The following CEP112 variants were observed in gnomAD, a reference collection of about 807,000 sequenced individuals.
The protein encoded by CEP112 is centrosomal protein of 112 kDa.
Under a neutral mutation model 153.0 loss-of-function variants are expected in CEP112, and 127 were observed. That is an observed-to-expected ratio of 0.83 (90% CI 0.72 to 0.96). The LOEUF (loss-of-function observed/expected upper bound fraction) is 0.96, where lower values mean the gene tolerates loss of function less well. Among genes scored for constraint, CEP112 ranks in the 40% least tolerant of loss-of-function variants. The pLI, the probability that CEP112 is intolerant of heterozygous loss-of-function variation, is 0.00. For synonymous variants in CEP112, 358 were observed against 374.4 expected (o/e 0.96, Z 0.51); for missense variants, 1,089 against 1,101.2 (o/e 0.99, Z 0.16).
At chr17:65,700,496 G>A (rs1202788729) in intron 23 of CEP112, among the ~76,000 whole-genome samples, 1 of 152,134 alleles carries the variant, frequency 6.6e-6, no homozygotes, top group African/African-American at 2.4e-5. Flanking sequence ...AGTGGTCCTG[G>A]GGAGTGAATC....
chr17:65,710,163 G>C (rs997207732), intron 23 of CEP112, among the ~76,000 whole-genome samples: 1 of 152,130 alleles, frequency 6.6e-6, no homozygotes, highest in Admixed American at 6.5e-5. Flanking sequence ...TTCCTCTCTG[G>C]TGTCAGTGCT....
chr17:65,766,943 C>T (rs1437354271), intron 21 of CEP112, among the ~76,000 whole-genome samples: 1 of 147,272 alleles, frequency 6.8e-6, no homozygotes, highest in Non-Finnish European at 1.5e-5. Context: ...GATAGCAATA[C>T]AGTAATAGTG....
intron 12 of CEP112, among the ~76,000 whole-genome samples, chr17:66,040,494 C>CTTT (rs71160522): frequency 0.011 from 1,411 of 133,438 alleles, 36 homozygotes; most frequent in African/African-American, 0.032. Context: ...CCCTTTTTTT[C>CTTT]TTTTTTTTTT....
chr17:65,770,928 T>TA lies in CEP112; in HGVS notation c.2395-20205dup, dbSNP rs34049976. 4.0e-4 allele frequency among the ~76,000 whole-genome samples: 50 copies of TA among 124,298 alleles called. 1 individual carries two copies. Among genetic ancestry groups the TA allele is most frequent in the Non-Finnish European group, 6.5e-4 (40 of 61,128 alleles). The allele number at this position is 124,298 out of a possible 152,430, so 81.5% of individuals were successfully genotyped here. A position where few individuals can be genotyped will look rare whatever the true frequency, so the allele number is the denominator to read the frequency against. On this transcript the variant is annotated intron_variant, in intron 21 of 26. Transcript: ENST00000535342. ...TGGGCAACAGAGCAAGACTCCGTCT[T>TA]AAAAAAAAAAAAAAAAGAAATAATT... is the stretch of plus-strand genomic sequence containing the variant.
At chr17:65,738,538 A>C (rs1157576852) in intron 23 of CEP112, among the ~76,000 whole-genome samples, 3 of 152,192 alleles carry the variant, frequency 2.0e-5, no homozygotes, top group African/African-American at 4.8e-5. Context: ...TCCCTTATAC[A>C]TAGTAGGATA....
At chr17:65,889,999 A>C (rs1311792752) in intron 20 of CEP112, among the ~76,000 whole-genome samples, 3 of 152,178 alleles carry the variant, frequency 2.0e-5, no homozygotes, top group Non-Finnish European at 4.4e-5. Flanking sequence ...CCTATCATAA[A>C]ATATACAGTG....
chr17:65,742,391 A>G (rs1046284147), intron 23 of CEP112, among the ~76,000 whole-genome samples: 9 of 152,202 alleles, frequency 5.9e-5, no homozygotes, highest in Non-Finnish European at 1.0e-4. Flanking sequence ...AGGTTTCCAG[A>G]TGCTTATCCT....
At chr17:65,676,126 C>G (rs927506359) in intron 24 of CEP112, among the ~76,000 whole-genome samples, 1 of 152,128 alleles carries the variant, frequency 6.6e-6, no homozygotes, top group Non-Finnish European at 1.5e-5. Context: ...CACTTGAGGT[C>G]AGGAGTTTGA....
At chr17:66,159,552 A>C (rs2071605137) in intron 4 of CEP112, among the ~76,000 whole-genome samples, 1 of 152,248 alleles carries the variant, frequency 6.6e-6, no homozygotes, top group Admixed American at 6.5e-5. Flanking sequence ...CAACATATGC[A>C]AATCAATAAA....
At chr17:66,042,281 C>T (rs1462878096) in intron 12 of CEP112, among the ~76,000 whole-genome samples, 2 of 152,020 alleles carry the variant, frequency 1.3e-5, no homozygotes, top group South Asian at 4.2e-4. Context: ...ACCCAGGAGG[C>T]GGAGGTTGTA....
chr17:66,031,467 TG>T (rs57725442), intron 12 of CEP112, among the ~76,000 whole-genome samples: 73,966 of 133,312 alleles, frequency 0.55, 19,747 homozygotes, highest in African/African-American at 0.6. Context: ...AACCCAGTTT[TG>T]TTTTGTTTTT....
intron 4 of CEP112, among the ~76,000 whole-genome samples, chr17:66,152,267 G>A (rs2071242950): frequency 6.6e-6 from 1 of 152,186 alleles, no homozygotes. Context: ...TATCGGAAAT[G>A]AGAAGAAGGG....
At chr17:66,118,966 T>C (rs1473870998) in intron 6 of CEP112, among the ~76,000 whole-genome samples, 1 of 152,012 alleles carries the variant, frequency 6.6e-6, no homozygotes, top group African/African-American at 2.4e-5. Context: ...AATGATAGAC[T>C]GGATAAAGAA....
chr17:65,635,863 TA>T lies in CEP112; in HGVS notation c.*107del. Reference sequence around the variant, plus strand: ...ATGATCTTAATTACATTTAAGGATTTAAAAAATGCCACTGATCTCACAGTTT... The same window carrying T: ...ATGATCTTAATTACATTTAAGGATTTAAAAATGCCACTGATCTCACAGTTT... On this transcript the variant is annotated 3_prime_UTR_variant, in exon 27 of 27. Transcript: ENST00000535342. The T allele has an allele frequency of 8.4e-7, 1 of 1,186,656 alleles. No homozygotes were observed. 73.5% of individuals were successfully genotyped at this position (1,186,656 alleles called of 1,614,324 possible). A position where few individuals can be genotyped will look rare whatever the true frequency, so the allele number is the denominator to read the frequency against.
chr17:65,911,599 T>C (rs1452182374), intron 19 of CEP112, among the ~76,000 whole-genome samples: 1 of 152,084 alleles, frequency 6.6e-6, no homozygotes, highest in African/African-American at 2.4e-5. Flanking sequence ...GAGGCCGAGG[T>C]GAGATGATCA....
intron 6 of CEP112, among the ~76,000 whole-genome samples, chr17:66,100,720 C>A (rs2146307783): frequency 6.6e-6 from 1 of 152,150 alleles, no homozygotes; most frequent in East Asian, 1.9e-4. Context: ...TGACCTAAGA[C>A]CATCGACTGA....
chr17:65,657,096 C>T (rs190240013), intron 24 of CEP112, among the ~76,000 whole-genome samples: 2 of 152,264 alleles, frequency 1.3e-5, no homozygotes, highest in East Asian at 1.9e-4. Context: ...AGATTCACCC[C>T]GAAGGAGGGG....
intron 10 of CEP112, 108 bp from the exon 11 acceptor site, chr17:66,063,189 T>G (rs543537015): frequency 6.3e-6 from 3 of 473,840 alleles, no homozygotes; most frequent in Non-Finnish European, 1.1e-5. Flanking sequence ...TCACCAAGTC[T>G]TCTCAATGCT....
At chr17:66,020,306 C>A (rs563711394) in intron 16 of CEP112, among the ~76,000 whole-genome samples, 36 of 151,416 alleles carry the variant, frequency 2.4e-4, no homozygotes, top group Middle Eastern at 3.4e-3. Context: ...TATTGAGCTG[C>A]ATTAAAACTG....
Sources: allele counts gnomAD v4.1 joint callset (sites outside exome capture counted in the v4.1 genomes callset), GRCh38; gene constraint gnomAD v4.1.1; transcripts MANE v1.5; gene names NCBI Gene and HGNC (gene_info 2026-07-23, HGNC 2026-07-21).